The following PAPPA2 variants were observed in gnomAD, a reference collection of about 807,000 sequenced individuals.
The protein encoded by PAPPA2 is pappalysin 2.
In PAPPA2, 86 loss-of-function variants were observed where a neutral mutation model predicts 176.4. That is an observed-to-expected ratio of 0.49 (90% CI 0.41 to 0.58). The LOEUF (loss-of-function observed/expected upper bound fraction) is 0.58. Ranked by LOEUF, PAPPA2 falls within the 20% of genes least tolerant of loss-of-function variation. PAPPA2 has a pLI of 0.00. For synonymous variants in PAPPA2, 809 were observed against 852.2 expected (o/e 0.95, Z 0.88); for missense variants, 2,073 against 2,256.9 (o/e 0.92, Z 1.65).
intron 3 of PAPPA2, among the ~76,000 whole-genome samples, chr1:176,650,733 A>G (rs1405866565): frequency 6.6e-6 from 1 of 150,928 alleles, no homozygotes; most frequent in African/African-American, 2.4e-5. Flanking sequence ...AGGACTTGCT[A>G]CTGCCATTTC....
intron 12 of PAPPA2, among the ~76,000 whole-genome samples, chr1:176,721,462 C>G (rs1269861676): frequency 1.3e-5 from 2 of 152,078 alleles, no homozygotes; most frequent in Non-Finnish European, 2.9e-5. Context: ...TAATGTGGGC[C>G]TGCTGGCAAT....
intron 4 of PAPPA2, among the ~76,000 whole-genome samples, chr1:176,687,443 A>G (rs905820100): frequency 3.9e-5 from 6 of 152,176 alleles, no homozygotes; most frequent in African/African-American, 1.4e-4. Context: ...ATTTGGAAAC[A>G]TCTCATTTGG....
At chr1:176,560,175 CG>C (rs1651578690) in intron 2 of PAPPA2, among the ~76,000 whole-genome samples, 1 of 151,326 alleles carries the variant, frequency 6.6e-6, no homozygotes, top group African/African-American at 2.4e-5. Context: ...GTGTTTTTTG[CG>C]GGGCTTATGT....
At position 176,732,073 on chromosome 1, in the gene PAPPA2, C is replaced by T. The variant is rs562723872; in HGVS notation, c.3799-7553C>T. Among the ~76,000 whole-genome samples the T allele has an allele frequency of 3.9e-5, 6 of 152,102 alleles. No individual in the cohort carries two copies. The South Asian group carries it at 1.2e-3, about 32-fold the overall frequency. The stretch of plus-strand genomic sequence containing the variant: ...CTTATTCAGAGATGACTTCAACCAC[C>T]CAGGAAACTGTCCAGATTTCATAAT... On this transcript the variant is annotated intron_variant, in intron 12 of 22. Transcript: ENST00000367662.
chr1:176,765,446 T>C (rs1200182027), intron 14 of PAPPA2, among the ~76,000 whole-genome samples: 1 of 152,210 alleles, frequency 6.6e-6, no homozygotes, highest in Non-Finnish European at 1.5e-5. Context: ...GAAAGAGCCA[T>C]AGAAAGTCAA....
intron 3 of PAPPA2, among the ~76,000 whole-genome samples, chr1:176,644,440 CTTAA>C (rs1247475039): frequency 2.0e-5 from 3 of 151,764 alleles, no homozygotes; most frequent in East Asian, 1.9e-4. Context: ...ATCCCTTACA[CTTAA>C]TTATTTTATC....
At chr1:176,789,018 C>CT (rs1312264182) in intron 17 of PAPPA2, among the ~76,000 whole-genome samples, 1 of 152,098 alleles carries the variant, frequency 6.6e-6, no homozygotes. Context: ...GTGTGATAAC[C>CT]TTTTTTGTAC....
At chr1:176,617,646 G>A (rs574721985) in intron 3 of PAPPA2, among the ~76,000 whole-genome samples, 22 of 149,102 alleles carry the variant, frequency 1.5e-4, no homozygotes, top group Non-Finnish European at 2.2e-4. Context: ...ATTCCATGGC[G>A]CATATATATA....
At chr1:176,713,025 T>C (rs1166659928) in intron 12 of PAPPA2, among the ~76,000 whole-genome samples, 1 of 152,240 alleles carries the variant, frequency 6.6e-6, no homozygotes, top group Non-Finnish European at 1.5e-5. Context: ...TCTGTCATTT[T>C]CTTCATAATT....
At position 176,519,656 on chromosome 1, in the gene PAPPA2, A is replaced by G. The variant is rs114707835; in HGVS notation, c.-916-35751A>G. 1.5e-3 allele frequency among the ~76,000 whole-genome samples: 231 copies of G among 152,332 alleles called. 2 individuals are homozygous for G. Among genetic ancestry groups the G allele is most frequent in the African/African-American group, 5.1e-3 (214 of 41,574 alleles). ...ATTTTTGGAAGACTTGGCTGCTGGT[A>G]ATCCCCAGGAAGTAGAAACAACATG... On this transcript the variant is annotated intron_variant, in intron 1 of 22. Transcript: ENST00000367662.
chr1:176,466,793 T>A (rs1252334084), intron 1 of PAPPA2, among the ~76,000 whole-genome samples: 3 of 152,134 alleles, frequency 2.0e-5, no homozygotes, highest in Non-Finnish European at 2.9e-5. Context: ...AGGGGATTTG[T>A]CATCTTGGAA....
At chr1:176,755,272 A>G (rs1663361815) in intron 14 of PAPPA2, among the ~76,000 whole-genome samples, 1 of 152,224 alleles carries the variant, frequency 6.6e-6, no homozygotes, top group South Asian at 2.1e-4. Context: ...CAGGTGTTTT[A>G]TGTTCTTACT....
intron 4 of PAPPA2, among the ~76,000 whole-genome samples, chr1:176,680,565 G>A (rs533055724): frequency 3.3e-5 from 5 of 152,000 alleles, no homozygotes; most frequent in Non-Finnish European, 7.4e-5. Context: ...TTCCCCTAAC[G>A]GTAGCATCTT....
In PAPPA2 at chr1:176,751,588, G is replaced by GAAAT. The variant is rs1322012580; in HGVS notation, c.4151+11393_4151+11396dup. On this transcript the variant is annotated intron_variant, in intron 14 of 22. Coordinates refer to ENST00000367662, the MANE Select transcript of PAPPA2 (RefSeq NM_020318.3). ...TTTATGCAGCCAAAAAACACATGAAGAAATGCTCATCATCACTGGCCATCA... is the reference window on the plus strand; with the variant it reads ...TTTATGCAGCCAAAAAACACATGAAGAAATAAATGCTCATCATCACTGGCCATCA... Among the ~76,000 whole-genome samples the GAAAT allele has an allele frequency of 1.5e-4, 11 of 75,242 alleles. No homozygotes were observed. The Admixed American group carries it at 1.8e-3, about 12-fold the overall frequency. 49.4% of individuals were successfully genotyped at this position (75,242 alleles called of 152,430 possible).
chr1:176,825,999 G>A (rs12035200), intron 21 of PAPPA2, among the ~76,000 whole-genome samples: 83,937 of 151,940 alleles, frequency 0.55, 24,055 homozygotes, highest in East Asian at 0.72. Context: ...TCCACGTCAC[G>A]CTATGAGGAA....
intron 21 of PAPPA2, among the ~76,000 whole-genome samples, chr1:176,821,950 C>A (rs1043371527): frequency 6.6e-6 from 1 of 152,204 alleles, no homozygotes. Context: ...CCAGTCCTAG[C>A]ATCAGGTTTG....
chr1:176,765,754 C>T lies in PAPPA2; in HGVS notation c.4240C>T (p.Pro1414Ser), dbSNP rs1260581315. The T allele has an allele frequency of 6.2e-7, 1 of 1,613,910 alleles. No individual in the cohort carries two copies. The highest frequency in any genetic ancestry group is 1.3e-5 in the African/African-American group (1 of 74,872). ...ADVVNCTSIG[P>S]GLMKCAITCQ... ...TGTGGTGAACTGTACCTCTATAGGC[C>T]CAGGTCTCATGAAGTGTGCTATCAC... The change falls in exon 15 of 23, where the codon CCA (proline) becomes TCA (serine). Residue 1414 changes from proline (P) to serine (S), a missense_variant. Around this residue, in one of 4 missense-constraint regions of PAPPA2, gnomAD observed 846 missense variants for 857.9 expected, o/e 0.99. Coordinates refer to ENST00000367662, the MANE Select transcript of PAPPA2 (RefSeq NM_020318.3).
At chr1:176,650,950 CT>C (rs1424166134) in intron 3 of PAPPA2, among the ~76,000 whole-genome samples, 2 of 151,544 alleles carry the variant, frequency 1.3e-5, no homozygotes, top group African/African-American at 4.8e-5. Flanking sequence ...GAGATGACAC[CT>C]TAGATCACAA....
chr1:176,754,865 C>A (rs944748683), intron 14 of PAPPA2, among the ~76,000 whole-genome samples: 1 of 152,178 alleles, frequency 6.6e-6, no homozygotes, highest in Non-Finnish European at 1.5e-5. Context: ...AAATGACTCT[C>A]AGGCCGTGTC....
Sources: allele counts gnomAD v4.1 joint callset (sites outside exome capture counted in the v4.1 genomes callset), GRCh38; gene constraint gnomAD v4.1.1; regional missense constraint gnomAD v4.1.1; transcripts MANE v1.5; gene names NCBI Gene and HGNC (gene_info 2026-07-23, HGNC 2026-07-21).